The following SEMA3C variants were observed in gnomAD, a reference collection of about 807,000 sequenced individuals.
SEMA3C encodes the protein semaphorin 3C.
SEMA3C carries 47 observed loss-of-function variants against 89.4 expected under a neutral mutation model. That is an observed-to-expected ratio of 0.53 (90% CI 0.42 to 0.67). SEMA3C has a LOEUF of 0.67. Ranked by LOEUF, SEMA3C falls within the 30% of genes least tolerant of loss-of-function variation. SEMA3C has a pLI of 0.00. For synonymous variants in SEMA3C, 310 were observed against 320.2 expected, an observed-to-expected ratio of 0.97 and a Z score of 0.34; for missense variants, 839 against 929.1, an observed-to-expected ratio of 0.90 and a Z score of 1.26.
In SEMA3C at chr7:80,810,720, T is replaced by C. The variant is rs1789448998; in HGVS notation, c.448-19A>G. 4.4e-6 allele frequency: 7 copies of C among 1,576,454 alleles called. No individual in the cohort carries two copies. The highest frequency in any genetic ancestry group is 1.3e-5 in the African/African-American group (1 of 74,224). ...CTTGGTCCTTTATTGTAGATAAAAT[T>C]TAAAATGTGGCAATGATAACTTATT... On this transcript the variant is annotated intron_variant, in intron 5 of 17. Transcript: ENST00000265361.
At chr7:80,789,914 A>T (rs560555852) in intron 11 of SEMA3C, among the ~76,000 whole-genome samples, 1 of 152,266 alleles carries the variant, frequency 6.6e-6, no homozygotes, top group African/African-American at 2.4e-5. Flanking sequence ...AAATTATATT[A>T]TTATCATTAA....
chr7:80,889,575 G>A (rs980160819), intron 2 of SEMA3C, among the ~76,000 whole-genome samples: 45 of 152,144 alleles, frequency 3.0e-4, no homozygotes, highest in Middle Eastern at 3.4e-3. Flanking sequence ...GGTTACAGAT[G>A]TATTATGCAT....
At chr7:80,909,562 G>C (rs751942815) in intron 2 of SEMA3C, among the ~76,000 whole-genome samples, 2 of 152,098 alleles carry the variant, frequency 1.3e-5, no homozygotes, top group African/African-American at 4.8e-5. Context: ...GTTGAGTAAG[G>C]CAAGAATATT....
chr7:80,757,423 AAAAAGTACCCTGC>A (rs1484391752), intron 15 of SEMA3C, among the ~76,000 whole-genome samples: 1 of 152,150 alleles, frequency 6.6e-6, no homozygotes, highest in East Asian at 1.9e-4. Flanking sequence ...CTACTTGGAT[AAAAAGTACCCTGC>A]CTCAGACTGA....
intron 7 of SEMA3C, among the ~76,000 whole-genome samples, chr7:80,804,482 C>T (rs1789290155): frequency 6.6e-6 from 1 of 151,936 alleles, no homozygotes; most frequent in African/African-American, 2.4e-5. Flanking sequence ...CAATGAGTTT[C>T]AAAAAATTGA....
chr7:80,880,893 C>T (rs1791319756), intron 2 of SEMA3C, among the ~76,000 whole-genome samples: 1 of 152,066 alleles, frequency 6.6e-6, no homozygotes, highest in Non-Finnish European at 1.5e-5. Flanking sequence ...TCACTGCATT[C>T]CAGCCTGGGT....
chr7:80,847,495 A>T (rs1291995080), intron 2 of SEMA3C: 1 of 152,162 alleles, frequency 6.6e-6, no homozygotes, highest in African/African-American at 2.4e-5. Context: ...CATTTTCCAC[A>T]TTTATTGTAT....
In SEMA3C at chr7:80,768,875, T is replaced by C. The variant is rs143109062; in HGVS notation, c.1355-3632A>G. Among the ~76,000 whole-genome samples the C allele has an allele frequency of 3.6e-3, 550 of 152,250 alleles. 3 individuals carry two copies. Among genetic ancestry groups the C allele is most frequent in the Non-Finnish European group, 6.5e-3 (444 of 68,026 alleles). ...TATTTGTTGAATTAATTTGTAGGCA[T>C]GAAGGAGAGAAAACTCAGAAGAATA... On this transcript the variant is annotated intron_variant, in intron 12 of 17. Transcript: ENST00000265361.
chr7:80,869,895 T>C (rs1422897181), intron 2 of SEMA3C, among the ~76,000 whole-genome samples: 1 of 152,178 alleles, frequency 6.6e-6, no homozygotes. Context: ...GTACTTCTAC[T>C]TCCTGGCTAC....
chr7:80,864,249 G>A (rs571381900), intron 2 of SEMA3C, among the ~76,000 whole-genome samples: 6 of 151,598 alleles, frequency 4.0e-5, no homozygotes, highest in African/African-American at 1.5e-4. Flanking sequence ...GGGGGGAAGA[G>A]TGAGAGCGGG....
At chr7:80,774,612 T>C (rs1478473279) in intron 12 of SEMA3C, among the ~76,000 whole-genome samples, 1 of 151,830 alleles carries the variant, frequency 6.6e-6, no homozygotes. Flanking sequence ...GATTAAAGTA[T>C]TGGAGTTGAA....
chr7:80,876,378 A>C (rs934302224), intron 2 of SEMA3C, among the ~76,000 whole-genome samples: 1 of 152,176 alleles, frequency 6.6e-6, no homozygotes, highest in African/African-American at 2.4e-5. Flanking sequence ...TTAAAGAGGT[A>C]TATAAGATGG....
At chr7:80,792,383 C>A (rs1395383005) in intron 11 of SEMA3C, among the ~76,000 whole-genome samples, 1 of 152,194 alleles carries the variant, frequency 6.6e-6, no homozygotes, top group Non-Finnish European at 1.5e-5. Flanking sequence ...TTATAAAACA[C>A]CGCTAATGAT....
intron 12 of SEMA3C, among the ~76,000 whole-genome samples, chr7:80,769,834 G>A (rs1425989028): frequency 7.1e-6 from 1 of 140,230 alleles, no homozygotes. Context: ...ACTCCAGCCT[G>A]GGGGATAGAG....
chr7:80,905,797 T>C (rs1228858760), intron 2 of SEMA3C: 2 of 1,166,000 alleles, frequency 1.7e-6, no homozygotes, highest in African/African-American at 3.2e-5. Flanking sequence ...TTGCCTGGTG[T>C]AATATTTACA....
At chr7:80,885,758 TA>T (rs1423190439) in intron 2 of SEMA3C, among the ~76,000 whole-genome samples, 6 of 152,234 alleles carry the variant, frequency 3.9e-5, no homozygotes, top group Admixed American at 3.9e-4. Context: ...AATTTATATT[TA>T]AAATCAGTTT....
At chr7:80,878,663 A>T (rs1046084729) in intron 2 of SEMA3C, among the ~76,000 whole-genome samples, 1 of 152,092 alleles carries the variant, frequency 6.6e-6, no homozygotes, top group African/African-American at 2.4e-5. Context: ...GTGGATGTTC[A>T]ATTAGGTGTC....
chr7:80,761,762 T>C (rs1166824435), intron 13 of SEMA3C, 105 bp from the exon 14 acceptor site: 5 of 609,930 alleles, frequency 8.2e-6, no homozygotes, highest in South Asian at 7.5e-5. Flanking sequence ...CACTTTTCTT[T>C]ATATATACAT....
intron 2 of SEMA3C, among the ~76,000 whole-genome samples, chr7:80,857,056 G>A (rs1273963321): frequency 1.3e-5 from 2 of 152,076 alleles, no homozygotes; most frequent in African/African-American, 4.8e-5. Context: ...GGGAGGACCA[G>A]TCACTACGGT....
Sources: gnomAD v4.1 joint callset for allele counts (sites outside exome capture counted in the v4.1 genomes callset) on GRCh38, gnomAD v4.1.1 for gene constraint, MANE v1.5 for transcripts, NCBI Gene and HGNC (gene_info 2026-07-23, HGNC 2026-07-21) for gene names.